The following DPF3 variants were observed in gnomAD, a reference collection of about 807,000 sequenced individuals.
The protein encoded by DPF3 is zinc finger protein DPF3.
A neutral mutation model predicts 56.8 loss-of-function variants in DPF3; 18 were observed. The ratio of observed to expected loss-of-function variants is 0.32; its 90% CI spans 0.22 to 0.47. The LOEUF is 0.47. DPF3 is among the 20% of genes least tolerant of loss of function. The pLI, the probability that DPF3 is intolerant of heterozygous loss-of-function variation, is 1.00. For synonymous variants in DPF3, 188 were observed against 180.2 expected (o/e 1.04, Z -0.35); for missense variants, 403 against 488.8 (o/e 0.82, Z 1.65).
intron 8 of DPF3, among the ~76,000 whole-genome samples, chr14:72,634,660 G>A (rs904568502): frequency 6.6e-6 from 1 of 151,742 alleles, no homozygotes; most frequent in Non-Finnish European, 1.5e-5. Context: ...GTATTAGGCT[G>A]GTGCAAAAGT....
At chr14:72,771,320 C>G (rs1891520401) in intron 2 of DPF3, among the ~76,000 whole-genome samples, 1 of 152,116 alleles carries the variant, frequency 6.6e-6, no homozygotes, top group African/African-American at 2.4e-5. Context: ...TCACATTTTA[C>G]AGATGAGGAA....
At chr14:72,883,195 T>C (rs1886385196) in intron 1 of DPF3, among the ~76,000 whole-genome samples, 1 of 152,152 alleles carries the variant, frequency 6.6e-6, no homozygotes, top group Non-Finnish European at 1.5e-5. Context: ...GTGCAGTGGT[T>C]TTCACCTGCA....
intron 6 of DPF3, among the ~76,000 whole-genome samples, chr14:72,696,606 C>T (rs2332909): frequency 0.57 from 86,587 of 152,120 alleles, 25,096 homozygotes; most frequent in African/African-American, 0.64. Context: ...AGGCAAATTG[C>T]AGAATCTAAT....
chr14:72,657,930 C>A (rs1254552431), intron 8 of DPF3, among the ~76,000 whole-genome samples: 3 of 152,102 alleles, frequency 2.0e-5, no homozygotes, highest in Non-Finnish European at 4.4e-5. Flanking sequence ...ATTTCTTATT[C>A]AGAATAACCT....
intron 5 of DPF3, among the ~76,000 whole-genome samples, chr14:72,719,451 A>AC (rs1347052432): frequency 6.6e-6 from 1 of 152,024 alleles, no homozygotes; most frequent in African/African-American, 2.4e-5. Flanking sequence ...CTCAGCCCCC[A>AC]CCCCATGGAC....
At chr14:72,860,854 C>T (rs144366610) in intron 1 of DPF3, among the ~76,000 whole-genome samples, 7 of 152,318 alleles carry the variant, frequency 4.6e-5, no homozygotes, top group Non-Finnish European at 8.8e-5. Context: ...GCATGAGCCA[C>T]CACGCCCGGC....
intron 1 of DPF3, among the ~76,000 whole-genome samples, chr14:72,819,707 C>T (rs941229232): frequency 2.6e-5 from 4 of 152,048 alleles, no homozygotes; most frequent in South Asian, 4.2e-4. Flanking sequence ...AGGCCTGGGG[C>T]GAGTGGATTG....
chr14:72,842,438 T>C (rs1884584445), intron 1 of DPF3, among the ~76,000 whole-genome samples: 1 of 152,164 alleles, frequency 6.6e-6, no homozygotes, highest in African/African-American at 2.4e-5. Flanking sequence ...GCTGGGTGAA[T>C]CTCACAAACG....
intron 2 of DPF3, among the ~76,000 whole-genome samples, chr14:72,756,822 C>CAGAAAGACAGAA (rs1197343194): frequency 1.4e-5 from 1 of 70,008 alleles, no homozygotes; most frequent in Admixed American, 1.8e-4. Context: ...GAAAGAAAGA[C>CAGAAAGACAGAA]AGAAAGAAAG....
chr14:72,678,489 C>A (rs1887011599), intron 7 of DPF3, among the ~76,000 whole-genome samples: 1 of 152,164 alleles, frequency 6.6e-6, no homozygotes, highest in African/African-American at 2.4e-5. Flanking sequence ...CTGGAGAATT[C>A]CAGAGGCTCA....
At chr14:72,858,112 C>T (rs1248670990) in intron 1 of DPF3, among the ~76,000 whole-genome samples, 1 of 151,908 alleles carries the variant, frequency 6.6e-6, no homozygotes, top group African/African-American at 2.4e-5. Flanking sequence ...CAAGACTAGC[C>T]TGGGCAACAT....
At chr14:72,798,497 G>A (rs1892730739) in intron 1 of DPF3, among the ~76,000 whole-genome samples, 1 of 152,130 alleles carries the variant, frequency 6.6e-6, no homozygotes, top group Admixed American at 6.5e-5. Context: ...GAAAACTATT[G>A]CTCAATCCAA....
chr14:72,857,104 T>C (rs1204308137), intron 1 of DPF3, among the ~76,000 whole-genome samples: 1 of 152,194 alleles, frequency 6.6e-6, no homozygotes, highest in East Asian at 1.9e-4. Flanking sequence ...AGGCCAGACG[T>C]CTTGCACCGA....
chr14:72,829,612 C>A (rs1269314580), intron 1 of DPF3, among the ~76,000 whole-genome samples: 2 of 152,062 alleles, frequency 1.3e-5, no homozygotes, highest in Non-Finnish European at 2.9e-5. Context: ...TCTCAAACTC[C>A]TGACCTTGTG....
At chr14:72,833,083 T>A (rs1884129817) in intron 1 of DPF3, among the ~76,000 whole-genome samples, 1 of 152,196 alleles carries the variant, frequency 6.6e-6, no homozygotes, top group Non-Finnish European at 1.5e-5. Context: ...GGCAGTGATA[T>A]AATTGGATCA....
intron 1 of DPF3, among the ~76,000 whole-genome samples, chr14:72,893,021 AAGG>A (rs1567273912): frequency 7.4e-6 from 1 of 135,454 alleles, no homozygotes; most frequent in Non-Finnish European, 1.7e-5. Context: ...GGAAGGAAGG[AAGG>A]ATGAAAAGGA....
intron 5 of DPF3, among the ~76,000 whole-genome samples, chr14:72,715,658 TAC>T: frequency 6.6e-6 from 1 of 151,934 alleles, no homozygotes; most frequent in Non-Finnish European, 1.5e-5. Context: ...ACACTCCATG[TAC>T]ACACTCACCG....
At chr14:72,699,898 G>A (rs867477695) in intron 6 of DPF3, among the ~76,000 whole-genome samples, 5 of 152,182 alleles carry the variant, frequency 3.3e-5, no homozygotes, top group Non-Finnish European at 5.9e-5. Flanking sequence ...CAACTGCAGG[G>A]TGCTCCAAGA....
intron 1 of DPF3, among the ~76,000 whole-genome samples, chr14:72,848,108 C>T (rs192472045): frequency 6.6e-5 from 10 of 152,268 alleles, no homozygotes; most frequent in South Asian, 4.1e-4. Flanking sequence ...GCTCGCCAAA[C>T]GACTTATTTG....
Sources: gnomAD v4.1 joint callset for allele counts (sites outside exome capture counted in the v4.1 genomes callset) on GRCh38, gnomAD v4.1.1 for gene constraint, MANE v1.5 for transcripts, NCBI Gene and HGNC (gene_info 2026-07-23, HGNC 2026-07-21) for gene names.